PSMB1: variants seen among roughly 807,000 people sequenced by gnomAD.
PSMB1 encodes the protein proteasome subunit beta type-1.
Under a neutral mutation model 25.4 loss-of-function variants are expected in PSMB1, and 7 were observed. The observed-to-expected ratio is 0.28, with a 90% CI of 0.16 to 0.52. PSMB1 has a LOEUF of 0.52. PSMB1 is among the 20% of genes least tolerant of loss of function. The probability of loss-of-function intolerance (pLI) is 0.97; values close to 1 mark genes in which losing one functional copy is unlikely to be tolerated. For missense variants in PSMB1, 284 were observed against 302.2 expected, an observed-to-expected ratio of 0.94 and a Z score of 0.45; for synonymous variants, 119 against 115.0, an observed-to-expected ratio of 1.03 and a Z score of -0.22.
chr6:170,536,864 G>A (rs566314676), intron 5 of PSMB1, among the ~76,000 whole-genome samples: 10 of 152,244 alleles, frequency 6.6e-5, no homozygotes, highest in South Asian at 4.1e-4. Context: ...ATGCTTGGGA[G>A]TTCAAGTACA....
At chr6:170,543,064 C>T (rs1023499077) in intron 4 of PSMB1, among the ~76,000 whole-genome samples, 2 of 152,026 alleles carry the variant, frequency 1.3e-5, no homozygotes, top group South Asian at 2.1e-4. Context: ...GCCCATGTGG[C>T]GTAATGCAGC....
intron 1 of PSMB1, 34 bp downstream of exon 1, chr6:170,553,095 CG>C: frequency 5.2e-6 from 8 of 1,540,142 alleles, no homozygotes; most frequent in Non-Finnish European, 7.1e-6. Context: ...GGGGGAAGGG[CG>C]AAAGTGAAAG....
Position 170,535,236 on chromosome 6 carries a change from G to C in PSMB1, c.710C>G (p.Ser237Cys). The part of the protein sequence containing the change: ...TKEGIREETV[S>C]LRKD ...GCACACAGATCAGTCCTTCCTTAAG[G>C]AAACAGTTTCCTCCCTGATGCCCTC... Residue 237 changes from serine (S) to cysteine (C), a missense_variant, in exon 6 of 6, where the codon TCC becomes TGC. By Grantham distance (112) the Ser-to-Cys change is moderately radical. Transcript: ENST00000262193. 1 of 1,614,076 alleles carries C rather than the reference G, an allele frequency of 6.2e-7. No homozygotes were observed. Among genetic ancestry groups the C allele is most frequent in the Non-Finnish European group, 8.5e-7 (1 of 1,179,964 alleles).
intron 2 of PSMB1, among the ~76,000 whole-genome samples, chr6:170,547,881 C>CCAAA (rs1554244179): frequency 2.7e-5 from 3 of 112,926 alleles, no homozygotes; most frequent in African/African-American, 9.2e-5. Flanking sequence ...ACGTGTTTCA[C>CCAAA]AAAAAAAAAA....
intron 1 of PSMB1, among the ~76,000 whole-genome samples, chr6:170,550,831 TTATAAG>T (rs932287055): frequency 2.1e-5 from 3 of 142,480 alleles, no homozygotes; most frequent in African/African-American, 7.8e-5. Context: ...GATGGCATAA[TTATAAG>T]TATTTTAAAG....
chr6:170,543,495 T>C, intron 4 of PSMB1, 106 bp downstream of exon 4: 1 of 1,142,342 alleles, frequency 8.8e-7, no homozygotes, highest in African/African-American at 1.6e-5. Context: ...GAAATGAGAA[T>C]TGTGTCAGAT....
chr6:170,542,670 G>A (rs1778771124), intron 4 of PSMB1, among the ~76,000 whole-genome samples: 2 of 152,150 alleles, frequency 1.3e-5, no homozygotes, highest in Non-Finnish European at 2.9e-5. Context: ...AGCACTAAAT[G>A]CTTTTGACTG....
chr6:170,545,226 T>C (rs969348416), intron 3 of PSMB1, among the ~76,000 whole-genome samples: 7 of 152,094 alleles, frequency 4.6e-5, no homozygotes, highest in African/African-American at 1.7e-4. Context: ...TAATAAAGTA[T>C]GAGAGAAAAA....
At chr6:170,543,450 G>T in intron 4 of PSMB1, 151 bp downstream of exon 4, 2 of 814,340 alleles carry the variant, frequency 2.5e-6, no homozygotes, top group Non-Finnish European at 3.6e-6. Context: ...TCATACATTA[G>T]CTTCAGTTTC....
In PSMB1 at chr6:170,543,619, C is replaced by A; in HGVS notation, c.415G>T (p.Gly139Cys). The change falls in exon 4 of 6, where the codon GGT becomes TGT. Residue 139 changes from glycine (G) to cysteine (C), a missense_variant. Gly to Cys is a radical substitution (Grantham distance 159). Coordinates refer to ENST00000262193, the MANE Select transcript of PSMB1 (RefSeq NM_002793.4). ...ATTCTACCTTCTTCATCAAGTCCAC[C>A]GATGATGTTGTAAACATAGTATGGA... Reference protein sequence around the residue: ...FFPYYVYNIIGGLDEEGKGAV... With the variant: ...FFPYYVYNIICGLDEEGKGAV... The A allele has an allele frequency of 1.2e-6, 2 of 1,608,930 alleles. No homozygotes were observed. Among genetic ancestry groups the A allele is most frequent in the South Asian group, 1.1e-5 (1 of 90,398 alleles).
At chr6:170,539,078 A>G (rs1778728452) in intron 4 of PSMB1, among the ~76,000 whole-genome samples, 1 of 152,262 alleles carries the variant, frequency 6.6e-6, no homozygotes, top group African/African-American at 2.4e-5. Context: ...TAGTAAAATC[A>G]GTATAAAACA....
intron 1 of PSMB1, 188 bp from the exon 2 acceptor site, chr6:170,549,301 A>T: frequency 2.0e-6 from 1 of 506,402 alleles, no homozygotes; most frequent in Non-Finnish European, 3.5e-6. Flanking sequence ...GGAAAAAAAA[A>T]TTATTAATAA....
At chr6:170,542,322 G>A (rs866119869) in intron 4 of PSMB1, among the ~76,000 whole-genome samples, 1 of 152,058 alleles carries the variant, frequency 6.6e-6, no homozygotes, top group Non-Finnish European at 1.5e-5. Context: ...GAGGCAGGGC[G>A]CTGAAATGAA....
At chr6:170,544,613 G>A (rs1458115878) in intron 3 of PSMB1, among the ~76,000 whole-genome samples, 2 of 152,168 alleles carry the variant, frequency 1.3e-5, no homozygotes, top group Non-Finnish European at 2.9e-5. Flanking sequence ...TGAGGCGGGA[G>A]AATGTTTGAG....
intron 2 of PSMB1, among the ~76,000 whole-genome samples, chr6:170,548,124 T>A (rs1389916470): frequency 6.6e-6 from 1 of 152,172 alleles, no homozygotes; most frequent in African/African-American, 2.4e-5. Flanking sequence ...GAAACAGAAC[T>A]GGGAAGACGA....
intron 1 of PSMB1, among the ~76,000 whole-genome samples, chr6:170,551,697 G>C (rs1227357307): frequency 6.6e-6 from 1 of 152,136 alleles, no homozygotes; most frequent in Non-Finnish European, 1.5e-5. Flanking sequence ...GTGTATAATG[G>C]AAAAGCATCC....
intron 4 of PSMB1, among the ~76,000 whole-genome samples, chr6:170,541,560 AG>A (rs1286587688): frequency 2.0e-5 from 3 of 152,212 alleles, no homozygotes; most frequent in African/African-American, 7.2e-5. Context: ...TGGAAAATGG[AG>A]GTAAGTACCA....
At chr6:170,542,758 T>G (rs768502353) in intron 4 of PSMB1, among the ~76,000 whole-genome samples, 10 of 152,122 alleles carry the variant, frequency 6.6e-5, no homozygotes, top group Non-Finnish European at 1.5e-4. Flanking sequence ...TGCCCCTACT[T>G]TTAGGGCAAC....
chr6:170,551,914 G>A (rs1427897913), intron 1 of PSMB1, among the ~76,000 whole-genome samples: 1 of 152,082 alleles, frequency 6.6e-6, no homozygotes, highest in Non-Finnish European at 1.5e-5. Flanking sequence ...AAGCTACTAA[G>A]GAAGATAAGG....
Sources: allele counts gnomAD v4.1 joint callset (sites outside exome capture counted in the v4.1 genomes callset), GRCh38; gene constraint gnomAD v4.1.1; transcripts MANE v1.5; gene names NCBI Gene and HGNC (gene_info 2026-07-23, HGNC 2026-07-21).